The following PTPRZ1 variants were observed in gnomAD, a reference collection of about 807,000 sequenced individuals.
PTPRZ1 encodes the protein protein tyrosine phosphatase receptor type Z1.
In PTPRZ1, 82 loss-of-function variants were observed where a neutral mutation model predicts 214.1. That is an observed-to-expected ratio of 0.38 (90% confidence interval 0.32 to 0.46). The LOEUF (loss-of-function observed/expected upper bound fraction) is 0.46. PTPRZ1 is among the 20% of genes least tolerant of loss of function. The pLI, the probability that PTPRZ1 is intolerant of heterozygous loss-of-function variation, is 1.00. For missense variants in PTPRZ1, 2,603 were observed against 2,748.7 expected (o/e 0.95, Z 1.19); for synonymous variants, 945 against 987.9 (o/e 0.96, Z 0.81).
chr7:121,989,619 C>T (rs1252183877), intron 8 of PTPRZ1, among the ~76,000 whole-genome samples: 4 of 152,134 alleles, frequency 2.6e-5, no homozygotes, highest in African/African-American at 7.2e-5. Context: ...GGTGATCCGC[C>T]CACCTCGGCC....
intron 14 of PTPRZ1, among the ~76,000 whole-genome samples, chr7:122,030,212 CT>C (rs1799332007): frequency 6.6e-6 from 1 of 151,956 alleles, no homozygotes. Flanking sequence ...CAAAGATTCC[CT>C]CTTGATCACC....
At chr7:121,964,003 A>G (rs1244370884) in intron 2 of PTPRZ1, among the ~76,000 whole-genome samples, 1 of 152,130 alleles carries the variant, frequency 6.6e-6, no homozygotes, top group African/African-American at 2.4e-5. Flanking sequence ...AGTAGGGACT[A>G]CTCAACTAAA....
At chr7:121,990,409 A>G (rs754807967) in intron 8 of PTPRZ1, among the ~76,000 whole-genome samples, 4 of 151,378 alleles carry the variant, frequency 2.6e-5, no homozygotes, top group Non-Finnish European at 5.9e-5. Flanking sequence ...GCCATTTATT[A>G]GGAAGGCATT....
chr7:121,987,603 A>G (rs1420933329), intron 8 of PTPRZ1, among the ~76,000 whole-genome samples: 1 of 152,070 alleles, frequency 6.6e-6, no homozygotes, highest in Non-Finnish European at 1.5e-5. Flanking sequence ...AGCCATTCTG[A>G]ATGGTATGAG....
intron 2 of PTPRZ1, among the ~76,000 whole-genome samples, chr7:121,956,544 A>G (rs1796712279): frequency 1.3e-5 from 2 of 152,248 alleles, no homozygotes; most frequent in South Asian, 4.1e-4. Context: ...TGAAAATGGC[A>G]GAATTTATTT....
At chr7:121,910,916 A>G (rs1795253906) in intron 1 of PTPRZ1, among the ~76,000 whole-genome samples, 1 of 152,220 alleles carries the variant, frequency 6.6e-6, no homozygotes, top group African/African-American at 2.4e-5. Context: ...ATTAGAAGTG[A>G]ATGGCATTCA....
intron 2 of PTPRZ1, among the ~76,000 whole-genome samples, chr7:121,949,591 T>C (rs956041413): frequency 1.5e-4 from 23 of 152,126 alleles, no homozygotes; most frequent in South Asian, 6.2e-4. Flanking sequence ...AATCTTGACA[T>C]ATGAGGAGCA....
intron 11 of PTPRZ1, among the ~76,000 whole-genome samples, chr7:122,006,267 T>C (rs570764988): frequency 6.6e-6 from 1 of 152,250 alleles, no homozygotes; most frequent in African/African-American, 2.4e-5. Flanking sequence ...AGATCCTTTT[T>C]TCTACCTATC....
intron 6 of PTPRZ1, among the ~76,000 whole-genome samples, chr7:121,983,090 G>A (rs924680251): frequency 6.6e-6 from 1 of 152,092 alleles, no homozygotes; most frequent in African/African-American, 2.4e-5. Flanking sequence ...TGTTTTACAT[G>A]CACAATCATG....
Position 122,042,739 on chromosome 7 carries a change from CTG to C in PTPRZ1, c.5934_5935del (p.Glu1979GlyfsTer8). On this transcript the variant is annotated frameshift_variant and splice_region_variant, in exon 22 of 30. Coordinates refer to ENST00000393386, the MANE Select transcript of PTPRZ1 (RefSeq NM_002851.3). LOFTEE classifies it high-confidence loss of function. ...TCACAAAGAAATTATTTGGTACAAA[CTG>C]AGGTATGATTTTTAAAAAGATGATT... 6.2e-7 allele frequency: 1 copy of C among 1,610,006 alleles called. No homozygotes were observed. Among genetic ancestry groups the C allele is most frequent in the Non-Finnish European group, 8.5e-7 (1 of 1,176,770 alleles).
intron 14 of PTPRZ1, among the ~76,000 whole-genome samples, chr7:122,030,370 C>A (rs546250410): frequency 6.6e-6 from 1 of 152,130 alleles, no homozygotes; most frequent in South Asian, 2.1e-4. Flanking sequence ...GTTGGCTGTG[C>A]AGGATAACAT....
At chr7:121,992,740 T>C (rs924543318) in intron 8 of PTPRZ1, among the ~76,000 whole-genome samples, 48 of 64,482 alleles carry the variant, frequency 7.4e-4, no homozygotes, top group African/African-American at 1.6e-3. Flanking sequence ...TGAGACACTA[T>C]CTTCTTCTTC....
At chr7:121,970,813 C>A (rs1797219945) in intron 3 of PTPRZ1, among the ~76,000 whole-genome samples, 1 of 152,126 alleles carries the variant, frequency 6.6e-6, no homozygotes, top group South Asian at 2.1e-4. Context: ...TTAATTAGAT[C>A]CCATTTGTCA....
rs60953788 is a variant in PTPRZ1 at position 122,000,646 on chromosome 7, CATATATAT to C, written c.1240+2689_1240+2696del. Among the ~76,000 whole-genome samples the C allele has an allele frequency of 9.6e-3, 493 of 51,526 alleles. 6 individuals carry two copies. The highest frequency in any genetic ancestry group is 0.015 in the East Asian group (15 of 1,026). The allele number at this position is 51,526 out of a possible 152,430, so 33.8% of individuals were successfully genotyped here. A position where few individuals can be genotyped will look rare whatever the true frequency, so the allele number is the denominator to read the frequency against. On this transcript the variant is annotated intron_variant, in intron 10 of 29. Transcript: ENST00000393386. ...ATTGCTGTCATTCTTTGATAGATTT[CATATATAT>C]ATATATATATATATATATATATATA...
intron 1 of PTPRZ1, among the ~76,000 whole-genome samples, chr7:121,911,484 T>C (rs141490776): frequency 7.9e-4 from 120 of 152,222 alleles, no homozygotes; most frequent in African/African-American, 2.7e-3. Context: ...GTGGTTTTCT[T>C]CCATATAAAT....
Position 122,051,464 on chromosome 7 carries a change from T to A in PTPRZ1, c.6121T>A (p.Ser2041Thr). 1.9e-6 allele frequency: 3 copies of A among 1,613,818 alleles called. No individual in the cohort carries two copies. The highest frequency in any genetic ancestry group is 2.5e-6 in the Non-Finnish European group (3 of 1,179,780). ...SQSNIQQSDY[S>T]AALKQCNREK... ...GTCAAATATACAGCAGAGTGACTAT[T>A]CTGCAGCCCTAAAGCAATGCAACAG... Residue 2041 changes from serine (S) to threonine (T), a missense_variant, in exon 24 of 30, where the codon TCT (serine) becomes ACT (threonine). Physicochemically the swap from Ser to Thr is moderately conservative, Grantham distance 58. Around this residue, in one of 6 missense-constraint regions of PTPRZ1, gnomAD observed 134 missense variants for 183.3 expected, o/e 0.73. Coordinates refer to ENST00000393386, the MANE Select transcript of PTPRZ1 (RefSeq NM_002851.3).
chr7:122,010,796 G>A lies in PTPRZ1; in HGVS notation c.1750G>A (p.Glu584Lys), dbSNP rs760532121. The change falls in exon 12 of 30, where the codon GAA becomes AAA. Residue 584 changes from glutamate to lysine, a missense_variant. Glu to Lys is a moderately conservative substitution (Grantham distance 56, BLOSUM62 1). This residue lies in a region of PTPRZ1 where 1,913 missense variants were observed against 1,914.3 expected (regional missense o/e 1.00). Transcript: ENST00000393386. ...CAGTTTCAAGCTTGATACTGGAGCT[G>A]AAGATTCTTCAGGCTCCAGTCCCGC... is the stretch of plus-strand genomic sequence containing the variant. ...LTSFKLDTGA[E>K]DSSGSSPATS... is the part of the protein sequence containing the mutation. 6.2e-7 allele frequency: 1 copy of A among 1,614,038 alleles called. No homozygotes were observed. Among genetic ancestry groups the A allele is most frequent in the Non-Finnish European group, 8.5e-7 (1 of 1,179,966 alleles).
At chr7:121,904,172 G>C (rs1451395239) in intron 1 of PTPRZ1, among the ~76,000 whole-genome samples, 1 of 152,174 alleles carries the variant, frequency 6.6e-6, no homozygotes, top group Non-Finnish European at 1.5e-5. Context: ...GGTTGGACAT[G>C]TGCTTAGCAA....
In PTPRZ1 at chr7:122,010,673, A is replaced by G; in HGVS notation, c.1627A>G (p.Lys543Glu). The stretch of plus-strand genomic sequence containing the variant: ...TTCAGCCTCTTTAAATGATGGCTCT[A>G]AAACTGTTCTTAGATCTCCACATAT... ...GTSASLNDGS[K>E]TVLRSPHMNL... Residue 543 changes from lysine to glutamate, a missense_variant, in exon 12 of 30, where the codon AAA (lysine) becomes GAA (glutamate). Lys to Glu is a moderately conservative substitution (Grantham distance 56, BLOSUM62 1). Around this residue, in one of 6 missense-constraint regions of PTPRZ1, gnomAD observed 1,913 missense variants for 1,914.3 expected, o/e 1.00. Coordinates refer to ENST00000393386, the MANE Select transcript of PTPRZ1 (RefSeq NM_002851.3). 6.2e-7 allele frequency: 1 copy of G among 1,613,792 alleles called. No individual in the cohort carries two copies. Among genetic ancestry groups the G allele is most frequent in the Non-Finnish European group, 8.5e-7 (1 of 1,179,734 alleles).
Sources: allele counts gnomAD v4.1 joint callset (sites outside exome capture counted in the v4.1 genomes callset), GRCh38; gene constraint gnomAD v4.1.1; regional missense constraint gnomAD v4.1.1; transcripts MANE v1.5; gene names NCBI Gene and HGNC (gene_info 2026-07-23, HGNC 2026-07-21).